TIAM1: variants seen among roughly 807,000 people sequenced by gnomAD.
TIAM1 encodes rho guanine nucleotide exchange factor TIAM1.
TIAM1 carries 65 observed loss-of-function variants against 163.5 expected under a neutral mutation model. The ratio of observed to expected loss-of-function variants is 0.40; its 90% CI spans 0.33 to 0.49. TIAM1 has a LOEUF of 0.49. Ranked by LOEUF, TIAM1 falls within the 20% of genes least tolerant of loss-of-function variation. TIAM1 has a pLI of 0.77. For synonymous variants in TIAM1, 833 were observed against 810.1 expected (o/e 1.03, Z -0.48); for missense variants, 1,789 against 2,044.7 (o/e 0.87, Z 2.41).
chr21:31,475,768 G>A (rs559093476), intron 1 of TIAM1, among the ~76,000 whole-genome samples: 3 of 152,358 alleles, frequency 2.0e-5, no homozygotes, highest in African/African-American at 7.2e-5. Context: ...AGGAAACGCA[G>A]AGAAAACAGC....
rs1158211587 is a variant in TIAM1, at chr21:31,140,979, G to A, written c.3774+139C>T. On this transcript the variant is annotated intron_variant, in intron 22 of 27. Coordinates refer to ENST00000541036, the MANE Select transcript of TIAM1 (RefSeq NM_001353694.2). ...ACATTGCAGCCTTGGATAAAGCACA[G>A]ATGTTCCACTAAGAAAAACAACAGC... is the stretch of plus-strand genomic sequence containing the variant. The A allele has an allele frequency of 6.4e-6, 4 of 629,256 alleles. No individual in the cohort carries two copies. In the South Asian group the frequency reaches 9.2e-5, roughly 15 times the overall value. The allele number at this position is 629,256 out of a possible 1,614,324, so 39.0% of individuals were successfully genotyped here.
intron 2 of TIAM1, among the ~76,000 whole-genome samples, chr21:31,311,029 C>T (rs1246919254): frequency 6.6e-6 from 1 of 152,180 alleles, no homozygotes; most frequent in African/African-American, 2.4e-5. Flanking sequence ...GTCAGCAACA[C>T]CTGCATTGGC....
In TIAM1 at chr21:31,141,078, G is replaced by C. The variant is rs1448373288; in HGVS notation, c.3774+40C>G. 1 of 1,477,880 alleles carries C rather than the reference G, an allele frequency of 6.8e-7. No homozygotes were observed. The highest frequency in any genetic ancestry group is 1.4e-5 in the African/African-American group (1 of 70,598). 91.5% of individuals were successfully genotyped at this position (1,477,880 alleles called of 1,614,324 possible). The stretch of plus-strand genomic sequence containing the variant: ...ATAAATAAAAGCAAACTCAAACTCG[G>C]CTTTCCTGACAGATGTCCTGAGAAG... On this transcript the variant is annotated intron_variant, in intron 22 of 27. Transcript: ENST00000541036. This position sits in a 1 kb window ranked among gnomAD's most constrained non-coding sequence, Gnocchi z 4.7.
At chr21:31,488,471 G>A (rs1288670869) in intron 1 of TIAM1, among the ~76,000 whole-genome samples, 3 of 152,142 alleles carry the variant, frequency 2.0e-5, no homozygotes, top group Non-Finnish European at 4.4e-5. Flanking sequence ...AACGGGAGGT[G>A]TATTAATCTG....
chr21:31,216,769 T>A (rs2087238033), intron 9 of TIAM1, among the ~76,000 whole-genome samples: 1 of 151,944 alleles, frequency 6.6e-6, no homozygotes, highest in Admixed American at 6.6e-5. Flanking sequence ...GCTGTGGCAG[T>A]GGGCGAGCTC....
chr21:31,425,541 C>T (rs1223660638), intron 2 of TIAM1, among the ~76,000 whole-genome samples: 1 of 151,010 alleles, frequency 6.6e-6, no homozygotes, highest in Non-Finnish European at 1.5e-5. Flanking sequence ...TCTGCAATTA[C>T]GCATTTCTAA....
rs578022913 is a variant in TIAM1, at chr21:31,360,035, C to T, written c.-368-20613G>A. ...AAATAAAAATATATTTACACCTAGA[C>T]ATGTCATAGTGGAACTGGAAAGCCA... On this transcript the variant is annotated intron_variant, in intron 2 of 28. Coordinates refer to the TIAM1 transcript ENST00000286827. Among the ~76,000 whole-genome samples, 99 of 152,186 alleles carry T rather than the reference C, an allele frequency of 6.5e-4. 2 individuals carry two copies. The highest frequency in any genetic ancestry group is 2.2e-3 in the African/African-American group (90 of 41,536).
intron 4 of TIAM1, among the ~76,000 whole-genome samples, chr21:31,253,962 A>G (rs1050846074): frequency 5.3e-5 from 8 of 152,234 alleles, no homozygotes; most frequent in Admixed American, 2.6e-4. Context: ...TATTCAGGAT[A>G]ACCAATGAGT....
chr21:31,440,877 C>CA (rs781648395), intron 2 of TIAM1, among the ~76,000 whole-genome samples: 83 of 148,988 alleles, frequency 5.6e-4, no homozygotes, highest in African/African-American at 1.8e-3. Flanking sequence ...GAGACTGTTT[C>CA]AAAAAAAAAG....
At chr21:31,329,413 C>A (rs2075604032) in intron 2 of TIAM1, among the ~76,000 whole-genome samples, 1 of 152,206 alleles carries the variant, frequency 6.6e-6, no homozygotes, top group Non-Finnish European at 1.5e-5. Flanking sequence ...TGCACACAGT[C>A]CTGACGACTC....
intron 2 of TIAM1, among the ~76,000 whole-genome samples, chr21:31,421,014 T>A (rs1177073890): frequency 6.6e-6 from 1 of 151,630 alleles, no homozygotes; most frequent in Non-Finnish European, 1.5e-5. Context: ...CCCAGCTACT[T>A]CGGAGGCTGA....
intron 2 of TIAM1, among the ~76,000 whole-genome samples, chr21:31,332,347 A>G (rs2075701815): frequency 6.6e-6 from 1 of 152,134 alleles, no homozygotes. Context: ...TGCCAACTAT[A>G]CAGAGAGAAA....
rs773824113 is a variant in TIAM1 at position 31,130,342 on chromosome 21, TAAG to T, written c.3943-30_3943-28del. On this transcript the variant is annotated intron_variant, in intron 24 of 27. Coordinates refer to ENST00000541036, the MANE Select transcript of TIAM1 (RefSeq NM_001353694.2). Reference sequence around the variant, plus strand: ...TGCAGAGGAGAAGGAACCAGCTGCATAAGAAGAATCTAACCTGCCCCGGACCAG... The same window carrying T: ...TGCAGAGGAGAAGGAACCAGCTGCATAAGAATCTAACCTGCCCCGGACCAG... 2.5e-6 allele frequency: 4 copies of T among 1,578,344 alleles called. No homozygotes were observed. The African/African-American group carries it at 4.0e-5, about 16-fold the overall frequency.
intron 5 of TIAM1, among the ~76,000 whole-genome samples, chr21:31,247,897 A>C (rs982090463): frequency 6.6e-6 from 1 of 152,060 alleles, no homozygotes; most frequent in Non-Finnish European, 1.5e-5. Context: ...AGAGAGACAA[A>C]GAAATAACAA....
intron 2 of TIAM1, among the ~76,000 whole-genome samples, chr21:31,367,836 T>C (rs998490202): frequency 2.0e-5 from 3 of 152,228 alleles, no homozygotes; most frequent in African/African-American, 7.2e-5. Flanking sequence ...AATTATAATA[T>C]TTTAACTTCA....
intron 2 of TIAM1, among the ~76,000 whole-genome samples, chr21:31,362,444 CAAT>C (rs1569265849): frequency 1.1e-5 from 1 of 89,444 alleles, no homozygotes; most frequent in Non-Finnish European, 2.3e-5. Context: ...AATGCAGTGA[CAAT>C]TATTATTATT....
At chr21:31,225,586 A>T (rs2087903576) in intron 7 of TIAM1, 140 bp downstream of exon 7, 1 of 674,028 alleles carries the variant, frequency 1.5e-6, no homozygotes, top group African/African-American at 1.8e-5. Context: ...CAGTCACAGT[A>T]AAGAACTTAG....
At chr21:31,533,326 C>G (rs2048028695) in intron 1 of TIAM1, among the ~76,000 whole-genome samples, 1 of 152,090 alleles carries the variant, frequency 6.6e-6, no homozygotes, top group African/African-American at 2.4e-5. Context: ...GTCTCAAAAA[C>G]AGTAATAATA....
At chr21:31,146,682 G>A (rs2083132458) in intron 20 of TIAM1, among the ~76,000 whole-genome samples, 1 of 145,928 alleles carries the variant, frequency 6.9e-6, no homozygotes, top group Non-Finnish European at 1.5e-5. Context: ...CTGCACTCCA[G>A]CCTGGGCAAC....
Sources: gnomAD v4.1 joint callset for allele counts (sites outside exome capture counted in the v4.1 genomes callset) on GRCh38, gnomAD v4.1.1 for gene constraint, Gnocchi (gnomAD v3.1) non-coding constraint, MANE v1.5 for transcripts, NCBI Gene and HGNC (gene_info 2026-07-23, HGNC 2026-07-21) for gene names.